The following PTPRK variants were observed in gnomAD, a reference collection of about 807,000 sequenced individuals.
PTPRK encodes receptor-type tyrosine-protein phosphatase kappa.
PTPRK carries 75 observed loss-of-function variants against 178.0 expected under a neutral mutation model. The ratio of observed to expected loss-of-function variants is 0.42; its 90% CI spans 0.35 to 0.51. The LOEUF is 0.51. Among genes scored for constraint, PTPRK ranks in the 20% least tolerant of loss-of-function variants. The pLI, the probability that PTPRK is intolerant of heterozygous loss-of-function variation, is 0.02. For synonymous variants in PTPRK, 637 were observed against 620.6 expected (o/e 1.03, Z -0.39); for missense variants, 1,441 against 1,797.8 (o/e 0.80, Z 3.59).
At chr6:128,447,739 C>T (rs891226160) in intron 1 of PTPRK, among the ~76,000 whole-genome samples, 2 of 151,872 alleles carry the variant, frequency 1.3e-5, no homozygotes, top group Non-Finnish European at 2.9e-5. Context: ...ATTCTCCTGC[C>T]TCGCCTCCTG....
intron 5 of PTPRK, among the ~76,000 whole-genome samples, chr6:128,237,687 G>A (rs1813544823): frequency 6.6e-6 from 1 of 152,286 alleles, no homozygotes; most frequent in East Asian, 1.9e-4. Flanking sequence ...GTTTAGGAGG[G>A]TTAGAGTAAA....
At chr6:128,218,307 G>A (rs551795077) in intron 6 of PTPRK, among the ~76,000 whole-genome samples, 2 of 152,322 alleles carry the variant, frequency 1.3e-5, no homozygotes, top group East Asian at 1.9e-4. Context: ...CATCTTAAAT[G>A]AATGTAATAT....
At position 128,213,235 on chromosome 6, in the gene PTPRK, T is replaced by C. The variant is rs116187103; in HGVS notation, c.868+5687A>G. ...TTAGAATTTAAATATGTACCAGACATCTTGAACACTGAATCACCTGAATTA... is the reference window on the plus strand; with the variant it reads ...TTAGAATTTAAATATGTACCAGACACCTTGAACACTGAATCACCTGAATTA... On this transcript the variant is annotated intron_variant, in intron 6 of 29. Coordinates refer to ENST00000368226, the MANE Select transcript of PTPRK (RefSeq NM_002844.4). Among the ~76,000 whole-genome samples, 995 of 152,114 alleles carry C rather than the reference T, an allele frequency of 6.5e-3. 7 individuals carry two copies. Among genetic ancestry groups the C allele is most frequent in the African/African-American group, 0.022 (927 of 41,540 alleles).
rs1327302376 is a variant in PTPRK at position 128,350,157 on chromosome 6, G to C, written c.224-27847C>G. 3.9e-5 allele frequency among the ~76,000 whole-genome samples: 6 copies of C among 152,086 alleles called. No homozygotes were observed. In the East Asian group the frequency reaches 1.2e-3, roughly 29 times the overall value. ...ATAAAAACTCCAAATAGCAGGATGGGAGCCAGAAATAACAGGCCAGAAAAA... is the reference window on the plus strand; with the variant it reads ...ATAAAAACTCCAAATAGCAGGATGGCAGCCAGAAATAACAGGCCAGAAAAA... On this transcript the variant is annotated intron_variant, in intron 2 of 29. Coordinates refer to ENST00000368226, the MANE Select transcript of PTPRK (RefSeq NM_002844.4).
At chr6:128,373,805 T>G (rs1399852352) in intron 2 of PTPRK, among the ~76,000 whole-genome samples, 1 of 152,228 alleles carries the variant, frequency 6.6e-6, no homozygotes, top group South Asian at 2.1e-4. Flanking sequence ...AATCTTTGCC[T>G]GCCCATGAAT....
chr6:127,975,622 GTTTTC>G (rs1250764629), intron 27 of PTPRK, among the ~76,000 whole-genome samples: 1 of 152,124 alleles, frequency 6.6e-6, no homozygotes, highest in East Asian at 1.9e-4. Context: ...AGTTACTAAT[GTTTTC>G]TTTTCCAATT....
intron 18 of PTPRK, 47 bp downstream of exon 18, chr6:127,995,415 A>G (rs1777041064): frequency 1.3e-6 from 2 of 1,485,028 alleles, no homozygotes; most frequent in East Asian, 2.3e-5. Flanking sequence ...AAAGGTTCAT[A>G]TATATAAGCC....
intron 7 of PTPRK, among the ~76,000 whole-genome samples, chr6:128,160,351 G>C (rs1010497564): frequency 5.5e-4 from 84 of 151,672 alleles, no homozygotes; most frequent in Non-Finnish European, 1.0e-3. Context: ...GAAGACATTA[G>C]GAAACAAATT....
intron 3 of PTPRK, among the ~76,000 whole-genome samples, chr6:128,282,402 A>T (rs979633025): frequency 2.0e-5 from 3 of 152,232 alleles, no homozygotes; most frequent in Admixed American, 1.3e-4. Context: ...GCTATCAAGA[A>T]TCTGAGTTTG....
chr6:128,239,882 G>T (rs1178074046), intron 5 of PTPRK, among the ~76,000 whole-genome samples, 153 bp downstream of exon 5: 1 of 152,208 alleles, frequency 6.6e-6, no homozygotes, highest in Non-Finnish European at 1.5e-5. Flanking sequence ...ACATGAATCT[G>T]TAATTAAACT....
At chr6:128,430,346 T>C (rs1318625304) in intron 1 of PTPRK, among the ~76,000 whole-genome samples, 2 of 152,226 alleles carry the variant, frequency 1.3e-5, no homozygotes, top group Non-Finnish European at 2.9e-5. Context: ...TATATGGGCA[T>C]TGAATTCTAA....
chr6:128,243,488 TAAAAAA>T lies in PTPRK; in HGVS notation c.496-892_496-887del, dbSNP rs760606919. On this transcript the variant is annotated intron_variant, in intron 3 of 29. Coordinates refer to ENST00000368226, the MANE Select transcript of PTPRK (RefSeq NM_002844.4). Reference sequence around the variant, plus strand: ...AGGGAACACAGTGAGAGCCTGTCGCTAAAAAAAAAAAAAAAAAAAAAAAAAGAAAAG... The same window carrying T: ...AGGGAACACAGTGAGAGCCTGTCGCTAAAAAAAAAAAAAAAAAAAGAAAAG... Among the ~76,000 whole-genome samples the T allele has an allele frequency of 8.5e-5, 5 of 59,142 alleles. No homozygotes were observed. In the East Asian group the frequency reaches 9.9e-4, roughly 12 times the overall value. The allele number at this position is 59,142 out of a possible 152,430, so 38.8% of individuals were successfully genotyped here. A position where few individuals can be genotyped will look rare whatever the true frequency, so the allele number is the denominator to read the frequency against.
intron 2 of PTPRK, among the ~76,000 whole-genome samples, chr6:128,367,775 C>T (rs1835721834): frequency 6.6e-6 from 1 of 152,218 alleles, no homozygotes; most frequent in African/African-American, 2.4e-5. Flanking sequence ...AATACTAGGT[C>T]CCTACATCAA....
chr6:127,985,624 C>T (rs6919966), intron 22 of PTPRK, 97 bp downstream of exon 22: 554,489 of 1,322,176 alleles, frequency 0.42, 117,632 homozygotes, highest in East Asian at 0.52. Flanking sequence ...GCTGGAACTT[C>T]GTAAGCACAC....
intron 7 of PTPRK, among the ~76,000 whole-genome samples, chr6:128,116,140 G>GTCTAA (rs1024522392): frequency 3.9e-5 from 6 of 151,964 alleles, no homozygotes; most frequent in African/African-American, 1.4e-4. Context: ...ATACTTGATG[G>GTCTAA]TCTAATCTGC....
In PTPRK at chr6:128,518,862, T is replaced by C. The variant is rs980872041; in HGVS notation, c.100+1397A>G. ...CTGCCACCTGAATCTGTTGTTTAAC[T>C]CCCTTTACAGAGTTCTAAATGGGGC... On this transcript the variant is annotated intron_variant, in intron 1 of 29. Coordinates refer to ENST00000368226, the MANE Select transcript of PTPRK (RefSeq NM_002844.4). 1.3e-5 allele frequency: 5 copies of C among 378,724 alleles called. No individual in the cohort carries two copies. In the Admixed American group the frequency reaches 1.8e-4, roughly 14 times the overall value. 23.5% of individuals were successfully genotyped at this position (378,724 alleles called of 1,614,324 possible).
At chr6:128,214,544 C>T (rs1562803538) in intron 6 of PTPRK, among the ~76,000 whole-genome samples, 2 of 150,032 alleles carry the variant, frequency 1.3e-5, no homozygotes, top group Non-Finnish European at 3.0e-5. Context: ...ACCAGTGATG[C>T]ATTATTATTA....
intron 13 of PTPRK, among the ~76,000 whole-genome samples, chr6:128,029,616 G>T (rs1774930678): frequency 6.7e-6 from 1 of 149,286 alleles, no homozygotes; most frequent in Non-Finnish European, 1.5e-5. Flanking sequence ...CAGCCTGGGT[G>T]ACAGAGTGAG....
chr6:128,036,740 CTT>C (rs71543131), intron 13 of PTPRK, among the ~76,000 whole-genome samples: 1 of 145,898 alleles, frequency 6.9e-6, no homozygotes. Context: ...CTCCTCCCTC[CTT>C]TTTTTTTTTT....
Sources: gnomAD v4.1 joint callset for allele counts (sites outside exome capture counted in the v4.1 genomes callset) on GRCh38, gnomAD v4.1.1 for gene constraint, MANE v1.5 for transcripts, NCBI Gene and HGNC (gene_info 2026-07-23, HGNC 2026-07-21) for gene names.